Variants in ZDHHC6 observed in about 807,000 individuals in gnomAD.
ZDHHC6 encodes the protein zDHHC palmitoyltransferase 6.
Under a neutral mutation model 57.8 loss-of-function variants are expected in ZDHHC6, and 32 were observed. That is an observed-to-expected ratio of 0.55 (90% CI 0.42 to 0.74). The LOEUF (loss-of-function observed/expected upper bound fraction) is 0.74. Among genes scored for constraint, ZDHHC6 ranks in the 30% least tolerant of loss-of-function variants. The probability of loss-of-function intolerance (pLI) is 0.00; values close to 1 mark genes in which losing one functional copy is unlikely to be tolerated. For missense variants in ZDHHC6, 433 were observed against 500.7 expected (o/e 0.86, Z 1.29); for synonymous variants, 128 against 158.0 (o/e 0.81, Z 1.42).
chr10:112,430,142 C>T (rs1021359377), downstream of ZDHHC6, among the ~76,000 whole-genome samples: 1 of 152,222 alleles, frequency 6.6e-6, no homozygotes, highest in African/African-American at 2.4e-5. Context: ...ACCGCAATAT[C>T]CCATTAATAG....
chr10:112,426,345 CTG>C, downstream of ZDHHC6: 1 of 1,614,034 alleles, frequency 6.2e-7, no homozygotes, highest in Non-Finnish European at 8.5e-7. Flanking sequence ...CTTTGAGGAA[CTG>C]TGCCAAAACC....
At chr10:112,427,450 CTAT>C, downstream of ZDHHC6, 1 of 1,305,806 alleles carries the variant, frequency 7.7e-7, no homozygotes, top group Admixed American at 3.0e-5. Flanking sequence ...GCCTTTCCTC[CTAT>C]TTTTTTTTAA....
chr10:112,432,018 C>T (rs1056383830), intron 10 of ZDHHC6, among the ~76,000 whole-genome samples: 5 of 152,154 alleles, frequency 3.3e-5, no homozygotes, highest in African/African-American at 9.7e-5. Context: ...GTACTTTTCG[C>T]ATAGTTATGA....
At chr10:112,441,703 T>C (rs780959030) in intron 4 of ZDHHC6, among the ~76,000 whole-genome samples, 26 of 152,182 alleles carry the variant, frequency 1.7e-4, no homozygotes, top group Admixed American at 9.2e-4. Flanking sequence ...TTTGTGTCCC[T>C]TGAACTTTAT....
chr10:112,436,545 G>T (rs1041092282), intron 6 of ZDHHC6, among the ~76,000 whole-genome samples: 2 of 152,228 alleles, frequency 1.3e-5, no homozygotes, highest in African/African-American at 4.8e-5. Context: ...ACTTCAACCT[G>T]TACATCAGTG....
chr10:112,436,546 T>G (rs1039111111), intron 6 of ZDHHC6, among the ~76,000 whole-genome samples: 1 of 152,264 alleles, frequency 6.6e-6, no homozygotes, highest in African/African-American at 2.4e-5. Flanking sequence ...CTTCAACCTG[T>G]ACATCAGTGG....
intron 4 of ZDHHC6, among the ~76,000 whole-genome samples, 173 bp from the exon 5 acceptor site, chr10:112,440,868 C>G (rs376826647): frequency 1.1e-3 from 171 of 152,286 alleles, no homozygotes; most frequent in African/African-American, 3.8e-3. Context: ...TTATTTGAGA[C>G]GGAGTCTCAC....
intron 7 of ZDHHC6, 25 bp downstream of exon 7, chr10:112,434,272 G>A (rs773147750): frequency 1.3e-6 from 2 of 1,526,440 alleles, no homozygotes; most frequent in East Asian, 4.7e-5. Flanking sequence ...CAAAAAGGAA[G>A]GGCTATTTGA....
At chr10:112,436,359 C>G (rs1161165163) in intron 6 of ZDHHC6, among the ~76,000 whole-genome samples, 1 of 152,180 alleles carries the variant, frequency 6.6e-6, no homozygotes, top group Non-Finnish European at 1.5e-5. Context: ...CCTTGTAATC[C>G]CAGCTACTTG....
At chr10:112,437,161 A>C (rs1845624697) in intron 6 of ZDHHC6, among the ~76,000 whole-genome samples, 1 of 152,122 alleles carries the variant, frequency 6.6e-6, no homozygotes, top group African/African-American at 2.4e-5. Context: ...AAAACCTTGT[A>C]TCTACCACTG....
chr10:112,432,315 T>G (rs1436661848), intron 9 of ZDHHC6, 29 bp from the exon 10 acceptor site: 2 of 1,606,800 alleles, frequency 1.2e-6, no homozygotes, highest in South Asian at 1.1e-5. Flanking sequence ...GAAAATTAAT[T>G]TTTTAGGCTA....
downstream of ZDHHC6, chr10:112,426,140 A>G: frequency 1.3e-6 from 1 of 765,838 alleles, no homozygotes; most frequent in Non-Finnish European, 2.2e-6. Flanking sequence ...CTAGTACTGG[A>G]TTTAAGGTTT....
chr10:112,447,528 G>A (rs144880372), upstream of ZDHHC6: 1,533 of 1,564,072 alleles, frequency 9.8e-4, 33 homozygotes, highest in East Asian at 0.025. Flanking sequence ...GCGGGCGGTG[G>A]AACGCCGCCC....
chr10:112,439,669 A>AAAAAAAAAAAAAAT lies in ZDHHC6; in HGVS notation c.681+864_681+865insATTTTTTTTTTTTT, dbSNP rs757796332. The stretch of plus-strand genomic sequence containing the variant: ...AAAAAAAAAAAAAAAAAAAAAAAAA[A>AAAAAAAAAAAAAAT]GAATGAAAAAGAATGGTTTTTGGTC... On this transcript the variant is annotated intron_variant, in intron 5 of 10. Transcript: ENST00000369405. Among the ~76,000 whole-genome samples, 14 of 108,606 alleles carry AAAAAAAAAAAAAAT rather than the reference A, an allele frequency of 1.3e-4. 3 individuals carry two copies. The highest frequency in any genetic ancestry group is 3.1e-4 in the South Asian group (1 of 3,176). The allele number at this position is 108,606 out of a possible 152,430, so 71.2% of individuals were successfully genotyped here.
At position 112,432,526 on chromosome 10, in the gene ZDHHC6, C is replaced by T. The variant is rs1845141951; in HGVS notation, c.946-5G>A. 17 of 1,610,778 alleles carry T rather than the reference C, an allele frequency of 1.1e-5. No individual in the cohort carries two copies. Among genetic ancestry groups the T allele is most frequent in the African/African-American group, 2.7e-5 (2 of 74,854 alleles). On this transcript the variant is annotated splice_region_variant and splice_polypyrimidine_tract_variant and intron_variant, in intron 8 of 10. Coordinates refer to ENST00000369405, the MANE Select transcript of ZDHHC6 (RefSeq NM_022494.3). ...TTCTATTACTTTATAGCGAACCTGT[C>T]GTCAGTGATCAGAAGAAACCTTTAA... is the stretch of plus-strand genomic sequence containing the variant.
At chr10:112,439,769 T>A (rs1373577007) in intron 5 of ZDHHC6, among the ~76,000 whole-genome samples, 1 of 151,416 alleles carries the variant, frequency 6.6e-6, no homozygotes, top group Non-Finnish European at 1.5e-5. Context: ...CATATGGCCC[T>A]GTATTAGTTA....
At chr10:112,426,795 G>T, downstream of ZDHHC6, 1 of 1,613,978 alleles carries the variant, frequency 6.2e-7, no homozygotes, top group African/African-American at 1.3e-5. Flanking sequence ...TAGGTTGTAA[G>T]GGAAGCCATT....
intron 5 of ZDHHC6, 58 bp downstream of exon 5, chr10:112,440,476 T>C: frequency 6.5e-7 from 1 of 1,529,682 alleles, no homozygotes; most frequent in Non-Finnish European, 8.9e-7. Context: ...TGTCTCTTTC[T>C]TGTGCAATCA....
intron 2 of ZDHHC6, 138 bp from the exon 3 acceptor site, chr10:112,443,744 TA>T: frequency 1.6e-6 from 1 of 621,592 alleles, no homozygotes; most frequent in Non-Finnish European, 2.7e-6. Flanking sequence ...TTATTTGAGC[TA>T]AAATATTTTT....
Sources: allele counts gnomAD v4.1 joint callset (sites outside exome capture counted in the v4.1 genomes callset), GRCh38; gene constraint gnomAD v4.1.1; transcripts MANE v1.5; gene names NCBI Gene and HGNC (gene_info 2026-07-23, HGNC 2026-07-21).